Variants in KAZN observed in about 807,000 individuals in gnomAD.
The protein encoded by KAZN is kazrin, periplakin interacting protein, also known as kazrin.
Under a neutral mutation model 87.4 loss-of-function variants are expected in KAZN, and 40 were observed. That is an observed-to-expected ratio of 0.46 (90% CI 0.36 to 0.60). The LOEUF is 0.60. Ranked by LOEUF, KAZN falls within the 20% of genes least tolerant of loss-of-function variation. The pLI is 0.00. For synonymous variants in KAZN, 466 were observed against 458.3 expected (o/e 1.02, Z -0.22); for missense variants, 898 against 1,073.9 (o/e 0.84, Z 2.29).
chr1:14,004,350 A>G (rs1639944035), intron 1 of KAZN, among the ~76,000 whole-genome samples: 1 of 152,246 alleles, frequency 6.6e-6, no homozygotes, highest in African/African-American at 2.4e-5. Context: ...TCCTATAGAC[A>G]TAACCATCTG....
intron 8 of KAZN, among the ~76,000 whole-genome samples, chr1:15,070,457 C>T (rs906125026): frequency 2.0e-5 from 3 of 152,186 alleles, no homozygotes; most frequent in African/African-American, 7.2e-5. Context: ...CCTGGCTGTA[C>T]CAGAGCTGCA....
chr1:14,589,351 G>A (rs1270974623), intron 2 of KAZN, among the ~76,000 whole-genome samples: 1 of 150,114 alleles, frequency 6.7e-6, no homozygotes, highest in African/African-American at 2.5e-5. Flanking sequence ...AAAAAGGGAG[G>A]GGGGGCAGTC....
intron 8 of KAZN, among the ~76,000 whole-genome samples, chr1:15,091,088 G>GTA (rs2100668298): frequency 6.6e-6 from 1 of 152,148 alleles, no homozygotes; most frequent in South Asian, 2.1e-4. Flanking sequence ...AGACAGAAAA[G>GTA]TATGCACAGT....
intron 2 of KAZN, among the ~76,000 whole-genome samples, chr1:14,517,640 T>A (rs192724865): frequency 3.3e-5 from 5 of 152,308 alleles, no homozygotes; most frequent in African/African-American, 1.2e-4. Context: ...AGAAACACCT[T>A]AGAGCAAAAG....
intron 1 of KAZN, among the ~76,000 whole-genome samples, chr1:14,662,690 T>A (rs894435672): frequency 6.6e-6 from 1 of 151,380 alleles, no homozygotes; most frequent in Non-Finnish European, 1.5e-5. Flanking sequence ...AGTGTTTGCC[T>A]GTGTGTGTGT....
chr1:14,896,487 A>T (rs1235956915), intron 1 of KAZN, among the ~76,000 whole-genome samples: 1 of 152,166 alleles, frequency 6.6e-6, no homozygotes, highest in Non-Finnish European at 1.5e-5. Flanking sequence ...TAGCCAGACA[A>T]ATGGGACTTT....
At chr1:14,019,067 G>T (rs1640703310) in intron 1 of KAZN, among the ~76,000 whole-genome samples, 1 of 152,140 alleles carries the variant, frequency 6.6e-6, no homozygotes, top group African/African-American at 2.4e-5. Context: ...ACTTTCAAAA[G>T]CTCTTTCTAA....
At chr1:14,652,940 G>T (rs891607770) in intron 1 of KAZN, among the ~76,000 whole-genome samples, 6 of 152,172 alleles carry the variant, frequency 3.9e-5, no homozygotes, top group Admixed American at 6.5e-5. Flanking sequence ...CAAGGATGCT[G>T]CTACTCATAC....
chr1:14,793,084 C>T (rs185701762), intron 1 of KAZN, among the ~76,000 whole-genome samples: 51 of 151,850 alleles, frequency 3.4e-4, no homozygotes, highest in Admixed American at 1.3e-3. Flanking sequence ...CATGTTAAGG[C>T]GGTGGAGGCC....
At chr1:14,488,614 T>G (rs9429259) in intron 2 of KAZN, among the ~76,000 whole-genome samples, 35,893 of 152,110 alleles carry the variant, frequency 0.24, 5,081 homozygotes, top group East Asian at 0.57. Flanking sequence ...GCGCCTGCCC[T>G]CCTGTAAGCG....
intron 2 of KAZN, among the ~76,000 whole-genome samples, chr1:14,551,474 T>C (rs755657483): frequency 2.0e-5 from 3 of 152,210 alleles, no homozygotes; most frequent in Non-Finnish European, 4.4e-5. Flanking sequence ...CTAAGCTCTG[T>C]GCAATTTGTG....
chr1:14,332,328 G>A (rs2100874593), intron 2 of KAZN, among the ~76,000 whole-genome samples: 1 of 152,252 alleles, frequency 6.6e-6, no homozygotes, highest in Non-Finnish European at 1.5e-5. Context: ...GTATCTTTGG[G>A]AAGTTCTCCA....
intron 1 of KAZN, among the ~76,000 whole-genome samples, chr1:14,791,764 C>T (rs1302486893): frequency 3.3e-5 from 5 of 152,250 alleles, no homozygotes; most frequent in South Asian, 4.1e-4. Context: ...CTCCCTGGCA[C>T]GCTTGCCTGA....
chr1:14,179,292 C>G (rs1570949414), intron 1 of KAZN, among the ~76,000 whole-genome samples: 2 of 152,216 alleles, frequency 1.3e-5, no homozygotes, highest in African/African-American at 4.8e-5. Context: ...GCGGGGCTCT[C>G]TCTGGATTTC....
chr1:13,905,400 T>C (rs889589956), intron 1 of KAZN, among the ~76,000 whole-genome samples: 1 of 152,224 alleles, frequency 6.6e-6, no homozygotes, highest in Non-Finnish European at 1.5e-5. Context: ...CCTGGTAGTA[T>C]AAATTTGAAC....
chr1:14,251,595 C>T (rs973545284), intron 2 of KAZN, among the ~76,000 whole-genome samples: 4 of 148,264 alleles, frequency 2.7e-5, no homozygotes, highest in Non-Finnish European at 5.9e-5. Context: ...CAAGTTGTCA[C>T]TGGGGTAGGT....
rs563632725 is a variant in KAZN, at chr1:14,750,650, A to G, written c.226+151427A>G. ...CCCATTTGTCTTCCATTTTCTCTAC[A>G]TAGCCTGAGGACCTGAAAGAACTGA... is the stretch of plus-strand genomic sequence containing the variant. On this transcript the variant is annotated intron_variant, in intron 1 of 14. Coordinates refer to ENST00000376030, the MANE Select transcript of KAZN (RefSeq NM_201628.3). 9.9e-5 allele frequency among the ~76,000 whole-genome samples: 15 copies of G among 152,044 alleles called. No homozygotes were observed. In the South Asian group the frequency reaches 3.1e-3, roughly 32 times the overall value.
rs144898678 is a variant in KAZN, at chr1:14,345,800, G to C, written c.249+165208G>C. 9.3e-3 allele frequency among the ~76,000 whole-genome samples: 1,416 copies of C among 152,292 alleles called. 17 individuals carry two copies. The highest frequency in any genetic ancestry group is 0.032 in the African/African-American group (1,314 of 41,566). On this transcript the variant is annotated intron_variant, in intron 2 of 16. Coordinates refer to the KAZN transcript ENST00000636203. ...ACTGCCAGTCCAGGGACCATCCTTT[G>C]AACACCACTGTGCTGGATAATACCT...
At chr1:14,951,268 G>C (rs776503895) in intron 1 of KAZN, among the ~76,000 whole-genome samples, 1 of 152,202 alleles carries the variant, frequency 6.6e-6, no homozygotes, top group African/African-American at 2.4e-5. Context: ...GCCCTGGGCA[G>C]TGGGCTCTGC....
Sources: gnomAD v4.1 joint callset for allele counts (sites outside exome capture counted in the v4.1 genomes callset) on GRCh38, gnomAD v4.1.1 for gene constraint, MANE v1.5 for transcripts, NCBI Gene and HGNC (gene_info 2026-07-23, HGNC 2026-07-21) for gene names.